The following USP54 variants were observed in gnomAD, a reference collection of about 807,000 sequenced individuals.
The protein encoded by USP54 is ubiquitin carboxyl-terminal hydrolase 54.
A neutral mutation model predicts 170.5 loss-of-function variants in USP54; 87 were observed. That is an observed-to-expected ratio of 0.51 (90% CI 0.43 to 0.61). USP54 has a LOEUF of 0.61. USP54 is among the 20% of genes least tolerant of loss of function. The pLI, the probability that USP54 is intolerant of heterozygous loss-of-function variation, is 0.00. For synonymous variants in USP54, 655 were observed against 742.8 expected, an observed-to-expected ratio of 0.88 and a Z score of 1.92; for missense variants, 1,786 against 2,047.8, an observed-to-expected ratio of 0.87 and a Z score of 2.47.
chr10:73,543,568 G>A (rs189537591), intron 5 of USP54, among the ~76,000 whole-genome samples: 158 of 152,096 alleles, frequency 1.0e-3, no homozygotes, highest in Non-Finnish European at 1.8e-3. Context: ...AGGTTTCACC[G>A]TGTTAGCCAG....
chr10:73,598,944 T>C (rs1007121053), intron 1 of USP54, among the ~76,000 whole-genome samples: 4 of 149,326 alleles, frequency 2.7e-5, no homozygotes, highest in Non-Finnish European at 5.9e-5. Context: ...CTGGGTTTGG[T>C]GGCGCATGCC....
chr10:73,563,628 G>A (rs1589125132), intron 4 of USP54, among the ~76,000 whole-genome samples: 1 of 151,970 alleles, frequency 6.6e-6, no homozygotes, highest in Non-Finnish European at 1.5e-5. Flanking sequence ...GTAGAGACAG[G>A]GTTTCTCTAT....
intron 1 of USP54, among the ~76,000 whole-genome samples, chr10:73,580,595 G>A (rs2076773310): frequency 6.6e-6 from 1 of 151,962 alleles, no homozygotes; most frequent in African/African-American, 2.4e-5. Flanking sequence ...TTTTTGAGAT[G>A]GAGTTTCGCT....
intron 1 of USP54, among the ~76,000 whole-genome samples, chr10:73,589,793 C>T (rs1041151786): frequency 3.3e-5 from 5 of 151,928 alleles, no homozygotes; most frequent in Admixed American, 6.6e-5. Context: ...ACTGGGAGGG[C>T]GACAGAGGAT....
chr10:73,602,494 A>G (rs1479087068), intron 1 of USP54, among the ~76,000 whole-genome samples: 5 of 151,958 alleles, frequency 3.3e-5, no homozygotes, highest in African/African-American at 1.2e-4. Context: ...CAGAGCTTGC[A>G]GTAAGCTGAG....
chr10:73,617,296 C>CAA lies in USP54; in HGVS notation c.-18+8269_-18+8270dup, dbSNP rs577634805. On this transcript the variant is annotated intron_variant, in intron 1 of 22. Transcript: ENST00000339859. Reference sequence around the variant, plus strand: ...GGGCAACAAGAGCGAAACCCTGTCTCAAAAAAAAAAAATTAGCCAGGCGGT... The same window carrying CAA: ...GGGCAACAAGAGCGAAACCCTGTCTCAAAAAAAAAAAAAATTAGCCAGGCGGT... Among the ~76,000 whole-genome samples the CAA allele has an allele frequency of 8.2e-5, 11 of 134,964 alleles. 1 individual carries two copies. The highest frequency in any genetic ancestry group is 4.6e-4 in the South Asian group (2 of 4,324). The allele number at this position is 134,964 out of a possible 152,430, so 88.5% of individuals were successfully genotyped here. A position where few individuals can be genotyped will look rare whatever the true frequency, so the allele number is the denominator to read the frequency against.
intron 1 of USP54, among the ~76,000 whole-genome samples, chr10:73,584,623 T>C (rs1295242205): frequency 6.6e-6 from 1 of 152,178 alleles, no homozygotes; most frequent in Admixed American, 6.5e-5. Flanking sequence ...GTTAGGATGA[T>C]GAAATTATGG....
upstream of USP54, among the ~76,000 whole-genome samples, chr10:73,593,424 T>G (rs1452492697): frequency 6.6e-6 from 1 of 151,466 alleles, no homozygotes; most frequent in African/African-American, 2.4e-5. Flanking sequence ...GAAAAGGTTT[T>G]GGGTACATGA....
rs567529541 is a variant in USP54 at position 73,583,663 on chromosome 10, T to A, written c.-581-7302A>T. On this transcript the variant is annotated intron_variant, in intron 1 of 23. Transcript: ENST00000687698. ...ACTCAGAAGGGTGAGGCAGGAGGAC[T>A]TTTTGAGCCTGGAAATTCAAGCCTG... Among the ~76,000 whole-genome samples the A allele has an allele frequency of 2.6e-5, 4 of 152,214 alleles. No homozygotes were observed. In the South Asian group the frequency reaches 8.3e-4, roughly 32 times the overall value.
At chr10:73,509,551 G>A (rs2059861661) in intron 20 of USP54, among the ~76,000 whole-genome samples, 1 of 151,802 alleles carries the variant, frequency 6.6e-6, no homozygotes, top group Non-Finnish European at 1.5e-5. Context: ...GGAGGCAGAG[G>A]CTGCAGTGAG....
chr10:73,530,499 G>A lies in USP54; in HGVS notation c.1472C>T (p.Ala491Val), dbSNP rs1437984666. Residue 491 changes from alanine (A) to valine (V), a missense_variant, in exon 14 of 24, where the codon GCT becomes GTT. This residue lies in a region of USP54 where 1,418 missense variants were observed against 1,569.0 expected (regional missense o/e 0.90). Coordinates refer to ENST00000687698, the MANE Select transcript of USP54 (RefSeq NM_001391956.1). ...GGATGGTTTGGAGGCATTTCTAGGA[G>A]CCTGCTTCTCTTTCAGTGTTTCTCC... Reference protein sequence around the residue: ...SEGETLKEKQAPRNASKPSSS... With the variant: ...SEGETLKEKQVPRNASKPSSS... 1 of 1,610,176 alleles carries A rather than the reference G, an allele frequency of 6.2e-7. No individual in the cohort carries two copies. Among genetic ancestry groups the A allele is most frequent in the South Asian group, 1.1e-5 (1 of 90,132 alleles).
chr10:73,550,135 G>A (rs1482406118), intron 4 of USP54, among the ~76,000 whole-genome samples: 4 of 152,156 alleles, frequency 2.6e-5, no homozygotes, highest in African/African-American at 7.2e-5. Flanking sequence ...TGTTGGCCAG[G>A]TTGGTCTTGA....
rs566547900 is a variant in USP54, at chr10:73,563,202, C to G, written c.240+8219G>C. ...ACTCCTGAGCTCAGCGATCCTCCTGCCTCAGCCTCCCAAAGTGCTGGGATT... is the reference window on the plus strand; with the variant it reads ...ACTCCTGAGCTCAGCGATCCTCCTGGCTCAGCCTCCCAAAGTGCTGGGATT... On this transcript the variant is annotated intron_variant, in intron 4 of 23. Coordinates refer to ENST00000687698, the MANE Select transcript of USP54 (RefSeq NM_001391956.1). Among the ~76,000 whole-genome samples, 16 of 152,226 alleles carry G rather than the reference C, an allele frequency of 1.1e-4. No homozygotes were observed. In the East Asian group the frequency reaches 3.1e-3, roughly 29 times the overall value.
intron 4 of USP54, among the ~76,000 whole-genome samples, chr10:73,551,985 T>G (rs149270349): frequency 6.6e-6 from 1 of 152,060 alleles, no homozygotes; most frequent in Non-Finnish European, 1.5e-5. Context: ...ATTAAGAAAA[T>G]AGTCACTCTA....
chr10:73,551,956 A>G (rs905285318), intron 4 of USP54, among the ~76,000 whole-genome samples: 8 of 152,220 alleles, frequency 5.3e-5, no homozygotes. Context: ...AGCACTAGCT[A>G]TATGGCATCT....
intron 22 of USP54, among the ~76,000 whole-genome samples, chr10:73,503,810 G>A (rs2058593616): frequency 6.6e-6 from 1 of 152,148 alleles, no homozygotes; most frequent in African/African-American, 2.4e-5. Context: ...TCAGCTCACT[G>A]CAACCTCTGC....
In USP54 at chr10:73,516,902, C is replaced by T. The variant is rs772551040; in HGVS notation, c.3524G>A (p.Gly1175Asp). 20 of 1,614,116 alleles carry T rather than the reference C, an allele frequency of 1.2e-5. No homozygotes were observed. The highest frequency in any genetic ancestry group is 8.8e-5 in the South Asian group (8 of 91,092). The change falls in exon 20 of 24, where the codon GGT becomes GAT. Residue 1175 changes from glycine (G) to aspartate (D), a missense_variant. This residue lies in a region of USP54 where 1,418 missense variants were observed against 1,569.0 expected (regional missense o/e 0.90). Coordinates refer to ENST00000687698, the MANE Select transcript of USP54 (RefSeq NM_001391956.1). The stretch of plus-strand genomic sequence containing the variant: ...CCATGGCCAGTGGCCTTTCTCTTGA[C>T]CCTGTGAGAAAGGAGGCTTAGAATC... ...PSDSKPPFSQ[G>D]QEKGHWPWAK... is the part of the protein sequence containing the mutation.
intron 1 of USP54, among the ~76,000 whole-genome samples, chr10:73,578,596 G>C (rs1428257139): frequency 6.6e-6 from 1 of 152,092 alleles, no homozygotes; most frequent in Non-Finnish European, 1.5e-5. Context: ...ATTTTTAGTA[G>C]AGACGGGATT....
intron 4 of USP54, among the ~76,000 whole-genome samples, chr10:73,568,079 A>G (rs868605284): frequency 4.6e-5 from 7 of 151,810 alleles, no homozygotes; most frequent in Non-Finnish European, 8.8e-5. Context: ...ATGTCCCACT[A>G]ATTTTTTTTT....
Sources: allele counts gnomAD v4.1 joint callset (sites outside exome capture counted in the v4.1 genomes callset), GRCh38; gene constraint gnomAD v4.1.1; regional missense constraint gnomAD v4.1.1; transcripts MANE v1.5; gene names NCBI Gene and HGNC (gene_info 2026-07-23, HGNC 2026-07-21).